TECR: variants seen among roughly 807,000 people sequenced by gnomAD.
TECR encodes the protein trans-2,3-enoyl-CoA reductase.
In TECR, 19 loss-of-function variants were observed where a neutral mutation model predicts 50.6. The observed-to-expected ratio is 0.38, with a 90% CI of 0.26 to 0.55. The LOEUF is 0.55. Among genes scored for constraint, TECR ranks in the 20% least tolerant of loss-of-function variants. The pLI, the probability that TECR is intolerant of heterozygous loss-of-function variation, is 0.79. For synonymous variants in TECR, 168 were observed against 163.5 expected (o/e 1.03, Z -0.21); for missense variants, 313 against 408.3 (o/e 0.77, Z 2.01).
At chr19:14,551,087 T>C (rs890346580) in intron 1 of TECR, among the ~76,000 whole-genome samples, 1 of 152,020 alleles carries the variant, frequency 6.6e-6, no homozygotes, top group Non-Finnish European at 1.5e-5. Context: ...TTTTTCTTTT[T>C]TTGATATGGA....
In TECR at chr19:14,565,056, T is replaced by C. The variant is rs1217826477; in HGVS notation, c.607-10T>C. On this transcript the variant is annotated splice_polypyrimidine_tract_variant and intron_variant, in intron 9 of 12. Coordinates refer to ENST00000215567, the MANE Select transcript of TECR (RefSeq NM_138501.6). ...TGGGCGGCCCTAGGCTGATCCTGCT[T>C]CTCTGACAGATCTGCCAGCTCGGCA... 2 of 1,613,844 alleles carry C rather than the reference T, an allele frequency of 1.2e-6. No individual in the cohort carries two copies. The highest frequency in any genetic ancestry group is 2.2e-5 in the South Asian group (2 of 91,080).
At chr19:14,551,953 CT>C in intron 1 of TECR, among the ~76,000 whole-genome samples, 1 of 110,650 alleles carries the variant, frequency 9.0e-6, no homozygotes, top group Admixed American at 9.1e-5. Flanking sequence ...CTCCCTCTCT[CT>C]CTCTCTCTCT....
chr19:14,564,236 C>G lies in TECR; in HGVS notation c.438C>G (p.Leu146=). Residue 146 remains leucine, a synonymous_variant, in exon 7 of 13, where the codon CTC becomes CTG. Transcript: ENST00000215567. ...FHYIKRLLET[L]FVHRFSHGTM... is the part of the protein sequence containing the mutation. ...ACATCAAGCGCCTGCTGGAGACGCT[C>G]TTCGTGCACCGCTTCTCCCATGGCA... 1 of 1,607,896 alleles carries G rather than the reference C, an allele frequency of 6.2e-7. No homozygotes were observed. The highest frequency in any genetic ancestry group is 8.5e-7 in the Non-Finnish European group (1 of 1,179,824).
At position 14,542,349 on chromosome 19, in the gene TECR, T is replaced by G. The variant is rs924959528; in HGVS notation, c.15+12638T>G. Among the ~76,000 whole-genome samples, 280 of 44,500 alleles carry G rather than the reference T, an allele frequency of 6.3e-3. 8 individuals are homozygous for G. The highest frequency in any genetic ancestry group is 0.028 in the African/African-American group (267 of 9,660). 29.2% of individuals were successfully genotyped at this position (44,500 alleles called of 152,430 possible). ...TCAGGGGGCCCTCATGCCATAGTGT[T>G]TTTTTTTTTTTTTTTTTTTTTTTTT... is the stretch of plus-strand genomic sequence containing the variant. On this transcript the variant is annotated intron_variant, in intron 1 of 12. Coordinates refer to ENST00000215567, the MANE Select transcript of TECR (RefSeq NM_138501.6).
At chr19:14,557,157 T>TTTA (rs1280344884) in intron 1 of TECR, among the ~76,000 whole-genome samples, 8 of 39,894 alleles carry the variant, frequency 2.0e-4, no homozygotes, top group East Asian at 6.1e-4. Flanking sequence ...TTATTTATTT[T>TTTA]GAGACAGGGT....
chr19:14,552,893 A>G (rs1367063311), intron 1 of TECR, among the ~76,000 whole-genome samples: 1 of 151,912 alleles, frequency 6.6e-6, no homozygotes. Context: ...GCATAGTCCT[A>G]GGTACAGGGT....
At chr19:14,547,910 G>A (rs1206537890) in intron 1 of TECR, among the ~76,000 whole-genome samples, 1 of 148,302 alleles carries the variant, frequency 6.7e-6, no homozygotes, top group African/African-American at 2.5e-5. Flanking sequence ...TCTGGGCCTC[G>A]AGGGATCCTC....
chr19:14,550,064 A>G (rs1467538449), intron 1 of TECR, among the ~76,000 whole-genome samples: 1 of 151,620 alleles, frequency 6.6e-6, no homozygotes, highest in Non-Finnish European at 1.5e-5. Context: ...ACATATAGCG[A>G]TTTATTTCAT....
chr19:14,544,413 C>T (rs946152169), intron 1 of TECR, among the ~76,000 whole-genome samples: 2 of 151,964 alleles, frequency 1.3e-5, no homozygotes, highest in Admixed American at 1.3e-4. Context: ...ACAGGCTCAG[C>T]CGTTCAGCCG....
At chr19:14,541,329 C>T (rs966626332) in intron 1 of TECR, among the ~76,000 whole-genome samples, 3 of 152,162 alleles carry the variant, frequency 2.0e-5, no homozygotes, top group Non-Finnish European at 4.4e-5. Context: ...CCATCCTGCC[C>T]GTGGCTGTCC....
rs751616597 is a variant in TECR, at chr19:14,564,983, C to T, written c.597C>T (p.Ala199=). 1.2e-6 allele frequency: 2 copies of T among 1,614,034 alleles called. No homozygotes were observed. The highest frequency in any genetic ancestry group is 1.1e-5 in the South Asian group (1 of 91,078). The change falls in exon 9 of 13, where the codon GCC becomes GCT. Residue 199 remains alanine, a synonymous_variant. Transcript: ENST00000215567. Reference sequence around the variant, plus strand: ...CTCAGCAGGTGAAACTGGCGCTCGCCATCTTTGTGGTAAGGAGGCTGGGTG... The same window carrying T: ...CTCAGCAGGTGAAACTGGCGCTCGCTATCTTTGTGGTAAGGAGGCTGGGTG... ...YGAQQVKLAL[A]IFVICQLGNF...
At chr19:14,557,450 T>G (rs1473814988) in intron 1 of TECR, among the ~76,000 whole-genome samples, 1 of 149,004 alleles carries the variant, frequency 6.7e-6, no homozygotes, top group African/African-American at 2.5e-5. Flanking sequence ...CTAATCATAT[T>G]TATTCTTTTT....
intron 2 of TECR, among the ~76,000 whole-genome samples, chr19:14,562,850 G>C (rs563919926): frequency 6.6e-6 from 1 of 152,138 alleles, no homozygotes; most frequent in Non-Finnish European, 1.5e-5. Context: ...CCTGGGGGAA[G>C]GGGCTTGCGC....
At chr19:14,529,587 G>A (rs372602559), upstream of TECR, 5 of 1,555,862 alleles carry the variant, frequency 3.2e-6, no homozygotes, top group East Asian at 4.5e-5. Context: ...GGCGGACGCA[G>A]AGCCGCGTTT....
intron 1 of TECR, among the ~76,000 whole-genome samples, chr19:14,559,069 C>T (rs1033529408): frequency 6.6e-6 from 1 of 152,144 alleles, no homozygotes; most frequent in African/African-American, 2.4e-5. Flanking sequence ...TCACATTAGG[C>T]CCTCCCTCTG....
rs76353899 is a variant in TECR at position 14,555,242 on chromosome 19, A to G, written c.16-7283A>G. On this transcript the variant is annotated intron_variant, in intron 1 of 12. Coordinates refer to ENST00000215567, the MANE Select transcript of TECR (RefSeq NM_138501.6). ...ACCATAGGTGCGAGTCACCACACCC[A>G]GCTAATTTTTTATTTTTGTTTTTTG... Among the ~76,000 whole-genome samples the G allele has an allele frequency of 2.8e-3, 420 of 151,134 alleles. 4 individuals carry two copies. The highest frequency in any genetic ancestry group is 9.8e-3 in the African/African-American group (403 of 41,220).
At chr19:14,540,688 G>A (rs2073068338) in intron 1 of TECR, among the ~76,000 whole-genome samples, 1 of 150,714 alleles carries the variant, frequency 6.6e-6, no homozygotes, top group South Asian at 2.2e-4. Context: ...CACCGTGCCT[G>A]GCCATAATTT....
At chr19:14,552,050 C>T (rs974676303) in intron 1 of TECR, among the ~76,000 whole-genome samples, 9 of 150,052 alleles carry the variant, frequency 6.0e-5, no homozygotes, top group African/African-American at 2.2e-4. Context: ...GCAGTCATAA[C>T]TCAGCCTTGA....
At chr19:14,542,354 T>G (rs1174038972) in intron 1 of TECR, among the ~76,000 whole-genome samples, 3 of 116,324 alleles carry the variant, frequency 2.6e-5, no homozygotes, top group African/African-American at 3.6e-5. Context: ...AGTGTTTTTT[T>G]TTTTTTTTTT....
Sources: gnomAD v4.1 joint callset for allele counts (sites outside exome capture counted in the v4.1 genomes callset) on GRCh38, gnomAD v4.1.1 for gene constraint, MANE v1.5 for transcripts, NCBI Gene and HGNC (gene_info 2026-07-23, HGNC 2026-07-21) for gene names.